STOX1: variants seen among roughly 807,000 people sequenced by gnomAD.
STOX1 encodes storkhead-box protein 1.
Under a neutral mutation model 74.8 loss-of-function variants are expected in STOX1, and 57 were observed. That is an observed-to-expected ratio of 0.76 (90% CI 0.62 to 0.95). STOX1 has a LOEUF of 0.95. STOX1 is among the 40% of genes least tolerant of loss of function. The pLI is 0.00. For synonymous variants in STOX1, 375 were observed against 401.3 expected (o/e 0.93, Z 0.78); for missense variants, 1,010 against 1,117.0 (o/e 0.90, Z 1.37).
At chr10:68,869,246 C>T (rs1012175980) in intron 1 of STOX1, among the ~76,000 whole-genome samples, 4 of 152,086 alleles carry the variant, frequency 2.6e-5, no homozygotes, top group African/African-American at 9.7e-5. Context: ...CAGTCAAAGC[C>T]CATTGAGTGT....
rs759561304 is a variant in STOX1, at chr10:68,886,137, G to A, written c.2341G>A (p.Glu781Lys). 3.3e-5 allele frequency: 54 copies of A among 1,614,058 alleles called. 1 individual carries two copies. The South Asian group carries it at 4.4e-4, about 13-fold the overall frequency. ...AAAAGTGATTGAGAGATCTCTGACC[G>A]AGTACAACAGCACAATGGAGAGGGT... ...KQKVIERSLT[E>K]YNSTMERVES... The change falls in exon 3 of 4, where the codon GAG becomes AAG. Residue 781 changes from glutamate (E) to lysine (K), a missense_variant. By Grantham distance (56) the Glu-to-Lys change is moderately conservative (BLOSUM62 1). Coordinates refer to ENST00000298596, the MANE Select transcript of STOX1 (RefSeq NM_152709.5).
At chr10:68,846,350 A>G (rs1839857070) in intron 1 of STOX1, among the ~76,000 whole-genome samples, 1 of 151,824 alleles carries the variant, frequency 6.6e-6, no homozygotes, top group Non-Finnish European at 1.5e-5. Flanking sequence ...GGATTTCACC[A>G]TGTTGGCCAG....
intron 2 of STOX1, among the ~76,000 whole-genome samples, chr10:68,882,515 T>G (rs1408119395): frequency 6.6e-6 from 1 of 151,598 alleles, no homozygotes; most frequent in East Asian, 1.9e-4. Context: ...TTTTTTTTTT[T>G]GAGACAGAAT....
At chr10:68,867,358 C>T (rs1840435670) in intron 1 of STOX1, among the ~76,000 whole-genome samples, 1 of 152,168 alleles carries the variant, frequency 6.6e-6, no homozygotes, top group Non-Finnish European at 1.5e-5. Flanking sequence ...CCATAACATT[C>T]CCCTGTTGAT....
At chr10:68,848,884 G>A (rs1036272560) in intron 1 of STOX1, among the ~76,000 whole-genome samples, 1 of 152,088 alleles carries the variant, frequency 6.6e-6, no homozygotes, top group African/African-American at 2.4e-5. Flanking sequence ...TTCCCAGGCT[G>A]GTCTCAAACT....
chr10:68,842,440 T>G (rs1410039769), intron 1 of STOX1, among the ~76,000 whole-genome samples: 1 of 152,166 alleles, frequency 6.6e-6, no homozygotes, highest in Non-Finnish European at 1.5e-5. Context: ...GATAATTGAC[T>G]CTTTTTTCTC....
chr10:68,893,511 A>G (rs749613675), downstream of STOX1, among the ~76,000 whole-genome samples: 2 of 152,162 alleles, frequency 1.3e-5, no homozygotes, highest in Non-Finnish European at 2.9e-5. Flanking sequence ...TCTGCCTCCC[A>G]GGTTCATGCC....
At chr10:68,850,036 AG>A (rs750271709) in intron 1 of STOX1, among the ~76,000 whole-genome samples, 86 of 152,212 alleles carry the variant, frequency 5.7e-4, no homozygotes, top group Admixed American at 1.6e-3. Context: ...TTTTGTTTTG[AG>A]ATGGAGTCTT....
intron 1 of STOX1, among the ~76,000 whole-genome samples, chr10:68,844,626 A>G (rs1839787968): frequency 6.6e-6 from 1 of 152,056 alleles, no homozygotes; most frequent in Non-Finnish European, 1.5e-5. Context: ...GTGTCTGTCG[A>G]AATGTTTTGC....
chr10:68,884,044 C>A (rs149715502), intron 2 of STOX1, among the ~76,000 whole-genome samples: 1,783 of 152,234 alleles, frequency 0.012, 48 homozygotes, highest in African/African-American at 0.041. Context: ...GTCTTGAACT[C>A]CTGGGCTCAA....
chr10:68,844,177 C>CA (rs61496914), intron 1 of STOX1, among the ~76,000 whole-genome samples: 34,982 of 138,316 alleles, frequency 0.25, 4,214 homozygotes, highest in South Asian at 0.33. Context: ...GAATCTGTCT[C>CA]AAAAAAAAAA....
At chr10:68,869,467 GA>G (rs1294629803) in intron 1 of STOX1, among the ~76,000 whole-genome samples, 1 of 152,194 alleles carries the variant, frequency 6.6e-6, no homozygotes, top group Non-Finnish European at 1.5e-5. Context: ...GATGGGATCA[GA>G]AAACTATCCA....
At chr10:68,892,220 TC>T (rs2132009021) in intron 3 of STOX1, among the ~76,000 whole-genome samples, 2 of 152,242 alleles carry the variant, frequency 1.3e-5, no homozygotes, top group East Asian at 3.9e-4. Flanking sequence ...AATTTGCTTT[TC>T]TCTTCCATAT....
intron 1 of STOX1, among the ~76,000 whole-genome samples, chr10:68,873,349 C>T (rs1374214691): frequency 6.6e-6 from 1 of 150,486 alleles, no homozygotes; most frequent in Non-Finnish European, 1.5e-5. Context: ...CAAGCTCCGC[C>T]TCCCGGGTTC....
intron 1 of STOX1, among the ~76,000 whole-genome samples, chr10:68,835,810 A>C (rs538615825): frequency 3.3e-5 from 5 of 152,324 alleles, no homozygotes; most frequent in Admixed American, 3.3e-4. Flanking sequence ...GAGTCACTGA[A>C]AACTGTAGTT....
At chr10:68,842,831 G>T (rs961948957) in intron 1 of STOX1, among the ~76,000 whole-genome samples, 1 of 151,352 alleles carries the variant, frequency 6.6e-6, no homozygotes, top group Non-Finnish European at 1.5e-5. Context: ...GAGCCACTGC[G>T]CCTGGCCGGC....
intron 1 of STOX1, among the ~76,000 whole-genome samples, chr10:68,833,724 C>T (rs1332679585): frequency 1.3e-5 from 2 of 152,150 alleles, no homozygotes; most frequent in African/African-American, 4.8e-5. Context: ...GGACTGGTTT[C>T]GGGTCTGATT....
chr10:68,882,958 C>T (rs2394496), intron 2 of STOX1, among the ~76,000 whole-genome samples: 86,487 of 152,068 alleles, frequency 0.57, 25,879 homozygotes, highest in East Asian at 0.89. Context: ...GCAGAGGCAC[C>T]TTCTTAGATC....
intron 1 of STOX1, among the ~76,000 whole-genome samples, chr10:68,874,448 G>A (rs1394140773): frequency 6.6e-6 from 1 of 152,078 alleles, no homozygotes; most frequent in Admixed American, 6.6e-5. Context: ...ATCTTTAAAT[G>A]TACCTACGAT....
Sources: allele counts gnomAD v4.1 joint callset (sites outside exome capture counted in the v4.1 genomes callset), GRCh38; gene constraint gnomAD v4.1.1; transcripts MANE v1.5; gene names NCBI Gene and HGNC (gene_info 2026-07-23, HGNC 2026-07-21).